NFATC1: variants seen among roughly 807,000 people sequenced by gnomAD.
NFATC1 encodes nuclear factor of activated T-cells, cytoplasmic 1.
In NFATC1, 22 loss-of-function variants were observed where a neutral mutation model predicts 76.0. That is an observed-to-expected ratio of 0.29 (90% CI 0.21 to 0.41). The LOEUF (loss-of-function observed/expected upper bound fraction) is 0.41. NFATC1 is among the 10% of genes least tolerant of loss of function. NFATC1 has a pLI of 1.00. For missense variants in NFATC1, 1,357 were observed against 1,337.7 expected, an observed-to-expected ratio of 1.01 and a Z score of -0.23; for synonymous variants, 704 against 613.1, an observed-to-expected ratio of 1.15 and a Z score of -2.19.
At chr18:79,512,620 C>T (rs1218055630) in intron 9 of NFATC1, among the ~76,000 whole-genome samples, 2 of 152,076 alleles carry the variant, frequency 1.3e-5, no homozygotes, top group Admixed American at 6.5e-5. Context: ...TGCTGAGCTG[C>T]GGTCTCTCCA....
chr18:79,521,711 A>G (rs1385338039), intron 9 of NFATC1, among the ~76,000 whole-genome samples: 2 of 58,684 alleles, frequency 3.4e-5, no homozygotes, highest in Non-Finnish European at 5.9e-5. Context: ...GGGAGCATCC[A>G]CTGATGTGTG....
At chr18:79,437,485 C>T (rs1231208413) in intron 3 of NFATC1, among the ~76,000 whole-genome samples, 9 of 149,640 alleles carry the variant, frequency 6.0e-5, no homozygotes, top group Non-Finnish European at 1.3e-4. Flanking sequence ...CTGGATCTGC[C>T]GATGCCGGGA....
intron 6 of NFATC1, among the ~76,000 whole-genome samples, chr18:79,455,017 C>T (rs554804603): frequency 2.8e-4 from 42 of 152,292 alleles, no homozygotes; most frequent in African/African-American, 9.1e-4. Context: ...ACGAAACGCC[C>T]GAAGAACGCC....
At chr18:79,441,559 G>T (rs962972344) in intron 3 of NFATC1, among the ~76,000 whole-genome samples, 1 of 152,178 alleles carries the variant, frequency 6.6e-6, no homozygotes, top group African/African-American at 2.4e-5. Flanking sequence ...AGGGCATCCC[G>T]GCTGTGGGTG....
chr18:79,401,546 C>T (rs776072805), intron 1 of NFATC1, among the ~76,000 whole-genome samples: 3 of 152,234 alleles, frequency 2.0e-5, no homozygotes, highest in African/African-American at 4.8e-5. Context: ...CCTTCCCACC[C>T]GGGCTGCCTG....
intron 6 of NFATC1, among the ~76,000 whole-genome samples, chr18:79,454,048 G>A (rs940251918): frequency 1.3e-5 from 2 of 152,206 alleles, no homozygotes; most frequent in African/African-American, 2.4e-5. Context: ...TGATGGGATC[G>A]TCTGGTCTGT....
chr18:79,453,398 C>T (rs769309656), intron 6 of NFATC1, among the ~76,000 whole-genome samples: 4 of 152,234 alleles, frequency 2.6e-5, no homozygotes, highest in African/African-American at 4.8e-5. Flanking sequence ...GTTGGTGCCA[C>T]GGCGCCATGG....
intron 2 of NFATC1, among the ~76,000 whole-genome samples, chr18:79,425,011 C>G (rs1014869649): frequency 5.3e-5 from 8 of 151,598 alleles, no homozygotes; most frequent in Non-Finnish European, 8.8e-5. Flanking sequence ...GTGTCTGTCT[C>G]TCTCTCTGTC....
chr18:79,424,579 ATCTCTT>A (rs1305732988), intron 2 of NFATC1, among the ~76,000 whole-genome samples: 6 of 96,566 alleles, frequency 6.2e-5, no homozygotes, highest in Admixed American at 2.9e-4. Context: ...CTGTCTCTCC[ATCTCTT>A]TCTCTGTCTC....
At chr18:79,400,377 C>CCGGCCT (rs2148126848) in intron 1 of NFATC1, 2 of 1,477,830 alleles carry the variant, frequency 1.4e-6, no homozygotes, top group South Asian at 1.3e-5. Context: ...CGCCCCGGCC[C>CCGGCCT]CGGCCCGACC....
chr18:79,461,112 T>A (rs1449845799), intron 6 of NFATC1, among the ~76,000 whole-genome samples, 199 bp from the exon 7 acceptor site: 1 of 152,198 alleles, frequency 6.6e-6, no homozygotes, highest in African/African-American at 2.4e-5. Context: ...GCAACTTTGG[T>A]GTCGAGCTCG....
chr18:79,397,007 G>A (rs1012524651), intron 1 of NFATC1, among the ~76,000 whole-genome samples: 2 of 152,212 alleles, frequency 1.3e-5, no homozygotes, highest in Non-Finnish European at 1.5e-5. Flanking sequence ...GTTTGAAAAG[G>A]AACCGCCAAG....
chr18:79,485,868 G>A (rs1389530334), intron 8 of NFATC1, among the ~76,000 whole-genome samples: 1 of 152,246 alleles, frequency 6.6e-6, no homozygotes, highest in African/African-American at 2.4e-5. Context: ...TTTACCAAAT[G>A]TGCAGACATT....
At chr18:79,424,631 CTG>C (rs952793798) in intron 2 of NFATC1, among the ~76,000 whole-genome samples, 15 of 151,524 alleles carry the variant, frequency 9.9e-5, no homozygotes, top group Non-Finnish European at 1.8e-4. Flanking sequence ...GTCTCTCCGT[CTG>C]TCTCTCTGTC....
chr18:79,486,249 T>A lies in NFATC1; in HGVS notation c.2094T>A (p.Val698=). ...YQRFTYLPAN[V]PIIKTEPTDD... The stretch of plus-strand genomic sequence containing the variant: ...TAATTTTTTTTTTCCTTCTCACAGT[T>A]CCAATTATAAAAACAGAACCCACTG... Residue 698 remains valine, a splice_region_variant and synonymous_variant, in exon 9 of 10, where the codon GTT becomes GTA. Coordinates refer to ENST00000427363, the MANE Select transcript of NFATC1 (RefSeq NM_001278669.2). The A allele has an allele frequency of 6.3e-7, 1 of 1,595,748 alleles. No individual in the cohort carries two copies. The highest frequency in any genetic ancestry group is 8.6e-7 in the Non-Finnish European group (1 of 1,167,866).
At chr18:79,481,452 A>T (rs772591329) in intron 8 of NFATC1, among the ~76,000 whole-genome samples, 4 of 152,172 alleles carry the variant, frequency 2.6e-5, no homozygotes, top group African/African-American at 9.7e-5. Context: ...AGGGTTTCCC[A>T]ATCAACATGA....
chr18:79,526,873 G>A (rs747402774), intron 9 of NFATC1, among the ~76,000 whole-genome samples: 5 of 152,226 alleles, frequency 3.3e-5, no homozygotes, highest in South Asian at 4.1e-4. Flanking sequence ...GGGCAGTTCC[G>A]TGACGTCAGC....
intron 6 of NFATC1, among the ~76,000 whole-genome samples, chr18:79,452,295 T>C (rs2087509910): frequency 6.6e-6 from 1 of 152,210 alleles, no homozygotes; most frequent in Non-Finnish European, 1.5e-5. Context: ...TGGGGTGGTC[T>C]TTAATGCCAC....
Position 79,486,843 on chromosome 18 carries a change from A to T in NFATC1, c.2688A>T (p.Pro896=). The change falls in exon 9 of 10, where the codon CCA becomes CCT. Residue 896 remains proline (P), a synonymous_variant. Coordinates refer to ENST00000427363, the MANE Select transcript of NFATC1 (RefSeq NM_001278669.2). ...CGACTGCCGGGCCACGGCTGCTGCC[A>T]GAGGTGCATGAGGACGGTAGTCCTA... The part of the protein sequence containing the change: ...ESPTAGPRLL[P]EVHEDGSPNL... 6.2e-7 allele frequency: 1 copy of T among 1,611,942 alleles called. No homozygotes were observed. Among genetic ancestry groups the T allele is most frequent in the Non-Finnish European group, 8.5e-7 (1 of 1,179,558 alleles).
Sources: gnomAD v4.1 joint callset for allele counts (sites outside exome capture counted in the v4.1 genomes callset) on GRCh38, gnomAD v4.1.1 for gene constraint, MANE v1.5 for transcripts, NCBI Gene and HGNC (gene_info 2026-07-23, HGNC 2026-07-21) for gene names.